RIPOR3: variants seen among roughly 807,000 people sequenced by gnomAD.
RIPOR3 encodes RIPOR family member 3.
A neutral mutation model predicts 114.3 loss-of-function variants in RIPOR3; 95 were observed. That is an observed-to-expected ratio of 0.83 (90% confidence interval 0.70 to 0.99). The LOEUF (loss-of-function observed/expected upper bound fraction) is 0.99, where lower values mean the gene tolerates loss of function less well. Among genes scored for constraint, RIPOR3 ranks in the 50% least tolerant of loss-of-function variants. RIPOR3 has a pLI of 0.00. For missense variants in RIPOR3, 1,252 were observed against 1,266.9 expected, an observed-to-expected ratio of 0.99 and a Z score of 0.18; for synonymous variants, 575 against 543.8, an observed-to-expected ratio of 1.06 and a Z score of -0.80.
At chr20:50,611,044 G>T in intron 5 of RIPOR3, 137 bp downstream of exon 5, 1 of 1,530,748 alleles carries the variant, frequency 6.5e-7, no homozygotes, top group Non-Finnish European at 9.0e-7. Context: ...TCATCGCAGA[G>T]ACTCAGCCTT....
At chr20:50,616,713 A>T (rs6126049) in intron 3 of RIPOR3, among the ~76,000 whole-genome samples, 82,686 of 152,002 alleles carry the variant, frequency 0.54, 22,669 homozygotes, top group East Asian at 0.67. Flanking sequence ...CCGGTCACAC[A>T]GCAGAGAAGA....
intron 6 of RIPOR3, 86 bp from the exon 7 acceptor site, chr20:50,609,808 G>T: frequency 1.5e-6 from 2 of 1,330,650 alleles, no homozygotes; most frequent in Non-Finnish European, 1.9e-6. Context: ...TCTGGGAGAG[G>T]CCCTCCCTGA....
intron 15 of RIPOR3, among the ~76,000 whole-genome samples, chr20:50,595,802 C>T (rs2083268504): frequency 6.6e-6 from 1 of 152,200 alleles, no homozygotes; most frequent in Admixed American, 6.5e-5. Flanking sequence ...ACCCGTGCAT[C>T]CAGCCGAGCC....
At chr20:50,601,108 C>T (rs887475332) in intron 13 of RIPOR3, among the ~76,000 whole-genome samples, 2 of 152,144 alleles carry the variant, frequency 1.3e-5, no homozygotes, top group African/African-American at 4.8e-5. Context: ...AGGGATGGGC[C>T]TGCCGGGGCC....
At chr20:50,632,376 G>C (rs1234417465) in intron 1 of RIPOR3, among the ~76,000 whole-genome samples, 1 of 152,224 alleles carries the variant, frequency 6.6e-6, no homozygotes, top group Non-Finnish European at 1.5e-5. Flanking sequence ...CAGTGTGCAA[G>C]AGACATGTCG....
chr20:50,643,124 C>CT (rs34994340), intron 1 of RIPOR3, among the ~76,000 whole-genome samples: 40,259 of 139,310 alleles, frequency 0.29, 6,978 homozygotes, highest in African/African-American at 0.49. Context: ...AATCTCAGCA[C>CT]TTTTTTTTTT....
intron 1 of RIPOR3, among the ~76,000 whole-genome samples, chr20:50,643,300 G>GTT (rs35657879): frequency 2.4e-4 from 31 of 129,336 alleles, no homozygotes; most frequent in Middle Eastern, 4.0e-3. Flanking sequence ...TTTTGTGTGT[G>GTT]TTTTTTTTTT....
chr20:50,663,925 C>CT (rs11477745), intron 1 of RIPOR3, among the ~76,000 whole-genome samples: 1,686 of 123,946 alleles, frequency 0.014, 16 homozygotes, highest in East Asian at 0.037. Flanking sequence ...CTCTCTCTCT[C>CT]TTTTTTTTTT....
At chr20:50,616,865 G>A (rs938904797) in intron 3 of RIPOR3, among the ~76,000 whole-genome samples, 2 of 152,150 alleles carry the variant, frequency 1.3e-5, no homozygotes, top group Non-Finnish European at 2.9e-5. Context: ...GGTCTAGGCC[G>A]GGCGCCGTGG....
intron 1 of RIPOR3, among the ~76,000 whole-genome samples, chr20:50,669,697 G>A (rs969979593): frequency 7.9e-5 from 12 of 152,086 alleles, no homozygotes; most frequent in South Asian, 2.1e-4. Context: ...CTGGTGTTTC[G>A]CTTTCCTTGG....
At chr20:50,648,590 A>G (rs1439909353) in intron 1 of RIPOR3, among the ~76,000 whole-genome samples, 1 of 151,988 alleles carries the variant, frequency 6.6e-6, no homozygotes, top group Non-Finnish European at 1.5e-5. Context: ...TTCTACTACT[A>G]CATTGTAATA....
chr20:50,666,181 C>CCTTTTCTTTTCTTTTCTTTTT (rs1600720832), intron 1 of RIPOR3, among the ~76,000 whole-genome samples: 1 of 14,964 alleles, frequency 6.7e-5, no homozygotes, highest in Non-Finnish European at 4.5e-4. Context: ...GAAAGGACAC[C>CCTTTTCTTTTCTTTTCTTTTT]CATTTCTTTT....
At chr20:50,627,658 G>A (rs535389091) in intron 2 of RIPOR3, among the ~76,000 whole-genome samples, 19 of 152,064 alleles carry the variant, frequency 1.2e-4, no homozygotes, top group African/African-American at 2.9e-4. Flanking sequence ...ACTCCAGCCC[G>A]GGCGAGAGAG....
chr20:50,592,636 C>T, intron 18 of RIPOR3, 90 bp from the exon 19 acceptor site: 1 of 1,192,570 alleles, frequency 8.4e-7, no homozygotes, highest in Non-Finnish European at 1.1e-6. Context: ...CCAGTAGCCA[C>T]AGAGGAACAA....
Position 50,608,553 on chromosome 20 carries a change from G to C in RIPOR3, c.811-19C>G, listed in dbSNP as rs776106710. ...CCGTCACCTGGGGGTGGGGGCTGGA[G>C]GGTGGTGTCTGAGCCGAACACCCAG... On this transcript the variant is annotated intron_variant, in intron 10 of 21. Transcript: ENST00000327979. 4 of 1,613,728 alleles carry C rather than the reference G, an allele frequency of 2.5e-6. No homozygotes were observed. The Middle Eastern group carries it at 5.0e-4, about 200-fold the overall frequency.
rs1179386937 is a variant in RIPOR3 at position 50,691,437 on chromosome 20, G to T, written c.-309C>A. 6 of 230,136 alleles carry T rather than the reference G, an allele frequency of 2.6e-5. No homozygotes were observed. Among genetic ancestry groups the T allele is most frequent in the Non-Finnish European group, 5.3e-5 (6 of 113,074 alleles). 14.3% of individuals were successfully genotyped at this position (230,136 alleles called of 1,614,324 possible). A position where few individuals can be genotyped will look rare whatever the true frequency, so the allele number is the denominator to read the frequency against. On this transcript the variant is annotated 5_prime_UTR_variant, in exon 1 of 22. Coordinates refer to ENST00000327979, the MANE Select transcript of RIPOR3 (RefSeq NM_001290268.2). ...AGGGTGCAGGCGGCCATGGAGCTGG[G>T]GTTCCAGGAAGCCCTCCTGGGGCCC...
At chr20:50,608,033 T>G (rs1417346370) in intron 11 of RIPOR3, among the ~76,000 whole-genome samples, 1 of 151,300 alleles carries the variant, frequency 6.6e-6, no homozygotes, top group Non-Finnish European at 1.5e-5. Context: ...GCAGCCAGGG[T>G]CGGCCAGGAA....
In RIPOR3 at chr20:50,667,623, C is replaced by A. The variant is rs116805148; in HGVS notation, c.3+23503G>T. Reference sequence around the variant, plus strand: ...TTAAGTTCTTAACACGTCCTCACCGCGGCTCAGCTCACTGTACGGCCCCTG... The same window carrying A: ...TTAAGTTCTTAACACGTCCTCACCGAGGCTCAGCTCACTGTACGGCCCCTG... On this transcript the variant is annotated intron_variant, in intron 1 of 21. Transcript: ENST00000327979. Among the ~76,000 whole-genome samples the A allele has an allele frequency of 8.8e-3, 1,342 of 152,248 alleles. 17 individuals carry two copies. The highest frequency in any genetic ancestry group is 0.031 in the African/African-American group (1,282 of 41,556).
At chr20:50,665,107 T>A (rs1278345224) in intron 1 of RIPOR3, among the ~76,000 whole-genome samples, 5 of 150,242 alleles carry the variant, frequency 3.3e-5, no homozygotes, top group Non-Finnish European at 7.4e-5. Flanking sequence ...GTCTCAAAAA[T>A]AAAACCCAAA....
Sources: allele counts gnomAD v4.1 joint callset (sites outside exome capture counted in the v4.1 genomes callset), GRCh38; gene constraint gnomAD v4.1.1; transcripts MANE v1.5; gene names NCBI Gene and HGNC (gene_info 2026-07-23, HGNC 2026-07-21).